The following AUNIP variants were observed in gnomAD, a reference collection of about 807,000 sequenced individuals.
AUNIP encodes the protein aurora kinase A and ninein interacting protein, also known as aurora kinase A- and ninein-interacting protein.
In AUNIP, 16 loss-of-function variants were observed where a neutral mutation model predicts 12.2. The observed-to-expected ratio is 1.31, with a 90% CI of 0.88 to 1.99. The LOEUF is 1.99. Among genes scored for constraint, AUNIP ranks in the 30% most tolerant of loss-of-function variants. AUNIP has a pLI of 0.00. For missense variants in AUNIP, 411 were observed against 419.1 expected (o/e 0.98, Z 0.17); for synonymous variants, 142 against 154.8 (o/e 0.92, Z 0.61).
intron 1 of AUNIP, among the ~76,000 whole-genome samples, chr1:25,838,077 A>T (rs1452325602): frequency 6.7e-6 from 1 of 148,600 alleles, no homozygotes; most frequent in Non-Finnish European, 1.5e-5. Flanking sequence ...CGTCTCTACT[A>T]AAAATACAAA....
chr1:25,856,826 G>A (rs1466476444), intron 1 of AUNIP, among the ~76,000 whole-genome samples: 1 of 151,972 alleles, frequency 6.6e-6, no homozygotes, highest in Non-Finnish European at 1.5e-5. Flanking sequence ...TTAAACTGGT[G>A]GCTGGGTGCA....
intron 1 of AUNIP, among the ~76,000 whole-genome samples, chr1:25,851,761 C>T (rs2048425230): frequency 6.6e-6 from 1 of 152,012 alleles, no homozygotes; most frequent in Non-Finnish European, 1.5e-5. Context: ...CTTTTTTAGA[C>T]AGTCTCACTC....
chr1:25,837,464 A>G lies in AUNIP; in HGVS notation c.169T>C (p.Ser57Pro). The change falls in exon 2 of 3, where the codon TCT (serine) becomes CCT (proline). Residue 57 changes from serine (S) to proline (P), a missense_variant. Coordinates refer to ENST00000374298, the MANE Select transcript of AUNIP (RefSeq NM_024037.3). ...ATGCTTCTCTGGTGAATGCCTGTAG[A>G]TGGAGCTCTTCTTTGAGTAAAATAA... ...NIYFTQRRAP[S>P]TGIHQRSIAS... The G allele has an allele frequency of 1.2e-6, 2 of 1,614,168 alleles. No individual in the cohort carries two copies. Among genetic ancestry groups the G allele is most frequent in the Non-Finnish European group, 1.7e-6 (2 of 1,180,002 alleles).
chr1:25,835,396 T>A lies in AUNIP; in HGVS notation c.671A>T (p.Gln224Leu), dbSNP rs1331574387. 1 of 1,614,266 alleles carries A rather than the reference T, an allele frequency of 6.2e-7. No individual in the cohort carries two copies. Among genetic ancestry groups the A allele is most frequent in the Non-Finnish European group, 8.5e-7 (1 of 1,180,050 alleles). The change falls in exon 3 of 3, where the codon CAG becomes CTG. Residue 224 changes from glutamine (Q) to leucine (L), a missense_variant. Physicochemically the swap from Gln to Leu is moderately radical, Grantham distance 113. Coordinates refer to ENST00000374298, the MANE Select transcript of AUNIP (RefSeq NM_024037.3). ...HTKLPGDKCC[Q>L]PLGKTKLERK... is the part of the protein sequence containing the mutation. ...TTCCAATTTAGTCTTGCCTAAGGGCTGACAGCATTTGTCCCCAGGTAGTTT... is the reference window on the plus strand; with the variant it reads ...TTCCAATTTAGTCTTGCCTAAGGGCAGACAGCATTTGTCCCCAGGTAGTTT...
intron 1 of AUNIP, among the ~76,000 whole-genome samples, chr1:25,843,594 GA>G (rs769525747): frequency 0.018 from 566 of 31,890 alleles, 3 homozygotes; most frequent in African/African-American, 0.039. Context: ...CTGTCTGTTT[GA>G]AAAAAAAAAA....
intron 1 of AUNIP, among the ~76,000 whole-genome samples, chr1:25,857,691 T>C (rs1216789950): frequency 6.6e-5 from 10 of 151,790 alleles, no homozygotes; most frequent in African/African-American, 2.4e-4. Flanking sequence ...AGTGAAACCC[T>C]GTCTCTACTA....
At chr1:25,832,367 T>C (rs983429944), downstream of AUNIP, 1 of 585,088 alleles carries the variant, frequency 1.7e-6, no homozygotes, top group Non-Finnish European at 3.0e-6. Context: ...CATTAGACCC[T>C]ATAGCTGGTC....
Position 25,834,344 on chromosome 1 carries a change from G to A in AUNIP, c.*649C>T, listed in dbSNP as rs764723271. 1.6e-4 allele frequency: 159 copies of A among 985,182 alleles called. 1 individual carries two copies. The highest frequency in any genetic ancestry group is 1.8e-4 in the Non-Finnish European group (150 of 829,922). 61.0% of individuals were successfully genotyped at this position (985,182 alleles called of 1,614,324 possible). The stretch of plus-strand genomic sequence containing the variant: ...AAAGCTCACACATCTGGCTGGGCGC[G>A]GTGGCTTATGCCTGTAATCTCAGCA... On this transcript the variant is annotated 3_prime_UTR_variant, in exon 3 of 3. Coordinates refer to ENST00000374298, the MANE Select transcript of AUNIP (RefSeq NM_024037.3).
At chr1:25,837,292 C>T in intron 2 of AUNIP, 121 bp downstream of exon 2, 1 of 1,220,764 alleles carries the variant, frequency 8.2e-7, no homozygotes. Flanking sequence ...CCTCTTCTAA[C>T]AGGCTAAGTT....
intron 1 of AUNIP, among the ~76,000 whole-genome samples, chr1:25,852,872 C>T (rs574019429): frequency 5.3e-5 from 8 of 151,996 alleles, no homozygotes; most frequent in Non-Finnish European, 1.2e-4. Flanking sequence ...TATAATTTTC[C>T]TTTTGATTTC....
At chr1:25,840,772 C>T (rs1557451423) in intron 1 of AUNIP, among the ~76,000 whole-genome samples, 1 of 152,068 alleles carries the variant, frequency 6.6e-6, no homozygotes, top group Non-Finnish European at 1.5e-5. Context: ...TTGAGGATAC[C>T]CAAGCTGACA....
At position 25,834,999 on chromosome 1, in the gene AUNIP, T is replaced by C; in HGVS notation, c.1068A>G (p.Gln356=). 2 of 1,604,642 alleles carry C rather than the reference T, an allele frequency of 1.2e-6. No individual in the cohort carries two copies. Among genetic ancestry groups the C allele is most frequent in the South Asian group, 2.2e-5 (2 of 90,352 alleles). Residue 356 remains glutamine, a synonymous_variant, in exon 3 of 3, where the codon CAA becomes CAG. Transcript: ENST00000374298. ...DSEGNQVIRH[Q]F ...GAAACAAAGCTTCAAACATTTAGAA[T>C]TGGTGTCTGATAACTTGATTACCTT...
At chr1:25,848,755 C>T (rs947683168) in intron 1 of AUNIP, among the ~76,000 whole-genome samples, 3 of 152,146 alleles carry the variant, frequency 2.0e-5, no homozygotes, top group Admixed American at 6.5e-5. Context: ...TGACTAAGCC[C>T]CCAAAACAAC....
chr1:25,853,947 G>T lies in AUNIP; in HGVS notation c.78+5333C>A, dbSNP rs138233329. 5.0e-3 allele frequency among the ~76,000 whole-genome samples: 764 copies of T among 152,290 alleles called. 8 individuals are homozygous for T. Among genetic ancestry groups the T allele is most frequent in the African/African-American group, 0.014 (588 of 41,554 alleles). On this transcript the variant is annotated intron_variant, in intron 1 of 2. Coordinates refer to ENST00000374298, the MANE Select transcript of AUNIP (RefSeq NM_024037.3). The stretch of plus-strand genomic sequence containing the variant: ...GAAGCAAGTTACGGCCCGGCGCAGT[G>T]GCTCACGCCTGTAATCCCTTTGGGA...
At chr1:25,850,937 T>C (rs375559268) in intron 1 of AUNIP, among the ~76,000 whole-genome samples, 4 of 152,180 alleles carry the variant, frequency 2.6e-5, no homozygotes, top group African/African-American at 9.6e-5. Flanking sequence ...GTAAACAGAG[T>C]GGCAAGATCT....
At chr1:25,832,284 G>A (rs778482859), downstream of AUNIP, 3 of 1,082,230 alleles carry the variant, frequency 2.8e-6, no homozygotes, top group Admixed American at 5.0e-5. Context: ...TAGTTTAAAG[G>A]GTAAGAGAGA....
Position 25,834,398 on chromosome 1 carries a change from G to C in AUNIP, c.*595C>G. ...TGGGAGGCTGAGGTGGGCGGATCAG[G>C]AGGTCAGGAGATGGAGACCATCCTG... On this transcript the variant is annotated 3_prime_UTR_variant, in exon 3 of 3. Coordinates refer to ENST00000374298, the MANE Select transcript of AUNIP (RefSeq NM_024037.3). The C allele has an allele frequency of 2.1e-6, 2 of 935,804 alleles. No individual in the cohort carries two copies. 58.0% of individuals were successfully genotyped at this position (935,804 alleles called of 1,614,324 possible). A position where few individuals can be genotyped will look rare whatever the true frequency, so the allele number is the denominator to read the frequency against.
At chr1:25,838,317 A>G (rs1169734142) in intron 1 of AUNIP, among the ~76,000 whole-genome samples, 4 of 152,084 alleles carry the variant, frequency 2.6e-5, no homozygotes, top group Non-Finnish European at 5.9e-5. Flanking sequence ...AGCCTGGCCA[A>G]TATGGTGAAA....
In AUNIP at chr1:25,835,270, C is replaced by T. The variant is rs764825855; in HGVS notation, c.797G>A (p.Arg266His). The change falls in exon 3 of 3, where the codon CGT becomes CAT. Residue 266 changes from arginine (R) to histidine (H), a missense_variant. By Grantham distance (29) the Arg-to-His change is conservative. Coordinates refer to ENST00000374298, the MANE Select transcript of AUNIP (RefSeq NM_024037.3). ...GENIESVKQS[R>H]SPVSVFSWDN... ...CCAGGAAAACACAGAAACTGGACTA[C>T]GGCTTTGTTTCACTGATTCTATGTT... The T allele has an allele frequency of 3.3e-5, 54 of 1,614,084 alleles. No homozygotes were observed. The highest frequency in any genetic ancestry group is 2.4e-4 in the East Asian group (11 of 44,900).
Sources: gnomAD v4.1 joint callset for allele counts (sites outside exome capture counted in the v4.1 genomes callset) on GRCh38, gnomAD v4.1.1 for gene constraint, MANE v1.5 for transcripts, NCBI Gene and HGNC (gene_info 2026-07-23, HGNC 2026-07-21) for gene names.